Variants in NTRK2 observed in about 807,000 individuals in gnomAD.
The protein encoded by NTRK2 is neurotrophic receptor tyrosine kinase 2, also known as BDNF/NT-3 growth factors receptor.
In NTRK2, 13 loss-of-function variants were observed where a neutral mutation model predicts 94.5. The observed-to-expected ratio is 0.14, with a 90% CI of 0.09 to 0.22. The LOEUF (loss-of-function observed/expected upper bound fraction) is 0.22. Ranked by LOEUF, NTRK2 falls within the 10% of genes least tolerant of loss-of-function variation. The pLI is 1.00. For missense variants in NTRK2, 639 were observed against 1,071.2 expected, an observed-to-expected ratio of 0.60 and a Z score of 5.63; for synonymous variants, 372 against 407.4, an observed-to-expected ratio of 0.91 and a Z score of 1.05.
chr9:84,811,908 C>CCCGG, intron 12 of NTRK2: 1 of 1,050,078 alleles, frequency 9.5e-7, no homozygotes, highest in Non-Finnish European at 1.2e-6. Context: ...TGGCTATCCC[C>CCCGG]ACCCCACCCC....
intron 12 of NTRK2, among the ~76,000 whole-genome samples, chr9:84,778,942 A>T (rs1305402046): frequency 6.6e-6 from 1 of 152,156 alleles, no homozygotes; most frequent in East Asian, 1.9e-4. Flanking sequence ...AGCCCACCCC[A>T]GTGAGATGCC....
At chr9:84,888,337 T>G (rs2132272081) in intron 14 of NTRK2, among the ~76,000 whole-genome samples, 1 of 152,044 alleles carries the variant, frequency 6.6e-6, no homozygotes. Flanking sequence ...AACAGACTCA[T>G]AGCTCAGGCA....
At chr9:84,892,017 T>G (rs11140799) in intron 14 of NTRK2, among the ~76,000 whole-genome samples, 16,687 of 152,084 alleles carry the variant, frequency 0.11, 1,380 homozygotes, top group African/African-American at 0.22. Flanking sequence ...TAACCCAGTC[T>G]GATTTATTTC....
intron 9 of NTRK2, among the ~76,000 whole-genome samples, chr9:84,731,646 T>C (rs2062895691): frequency 6.6e-6 from 1 of 151,972 alleles, no homozygotes; most frequent in African/African-American, 2.4e-5. Context: ...TTACTTCCGC[T>C]TGGGATGCAG....
At chr9:84,706,260 G>A (rs2061053908) in intron 4 of NTRK2, among the ~76,000 whole-genome samples, 2 of 152,078 alleles carry the variant, frequency 1.3e-5, no homozygotes, top group African/African-American at 4.8e-5. Context: ...GTTTGGATGA[G>A]TGGAGATCTT....
In NTRK2 at chr9:84,830,990, T is replaced by C. The variant is rs144973219; in HGVS notation, c.1397-30050T>C. ...TATTACATGTACTGAACAGTATATT[T>C]ACAAGGATTTCTTCATGGAGTTAAC... On this transcript the variant is annotated intron_variant, in intron 12 of 18. Coordinates refer to ENST00000277120, the MANE Select transcript of NTRK2 (RefSeq NM_006180.6). 2.4e-3 allele frequency among the ~76,000 whole-genome samples: 363 copies of C among 152,378 alleles called. 2 individuals carry two copies. The highest frequency in any genetic ancestry group is 8.0e-3 in the African/African-American group (333 of 41,594).
intron 12 of NTRK2, among the ~76,000 whole-genome samples, chr9:84,799,953 T>G (rs1445480103): frequency 2.0e-5 from 3 of 152,208 alleles, no homozygotes; most frequent in African/African-American, 7.2e-5. Context: ...AGTAAAACAT[T>G]TACTTTCTCC....
chr9:84,795,014 C>T (rs1489410636), intron 12 of NTRK2, among the ~76,000 whole-genome samples: 1 of 152,118 alleles, frequency 6.6e-6, no homozygotes, highest in East Asian at 1.9e-4. Flanking sequence ...CCCTCCACCC[C>T]CCAAATTAAT....
chr9:84,775,811 T>G (rs1389464135), intron 12 of NTRK2, among the ~76,000 whole-genome samples: 1 of 152,182 alleles, frequency 6.6e-6, no homozygotes, highest in East Asian at 1.9e-4. Flanking sequence ...TTAGGAACTT[T>G]TTCAAAATAC....
At chr9:84,752,523 ATTCT>A (rs1235666003) in intron 12 of NTRK2, among the ~76,000 whole-genome samples, 2 of 152,194 alleles carry the variant, frequency 1.3e-5, no homozygotes, top group Non-Finnish European at 2.9e-5. Flanking sequence ...CCAGATCCTC[ATTCT>A]TTGAAATTTA....
In NTRK2 at chr9:84,978,152, C is replaced by T. The variant is rs117308199; in HGVS notation, c.2172+22635C>T. On this transcript the variant is annotated intron_variant, in intron 17 of 18. Coordinates refer to ENST00000277120, the MANE Select transcript of NTRK2 (RefSeq NM_006180.6). ...AAGTGAAAGGAGGAGTCACACATATCTCACTTTAAATCAAAAGCTAAAAAA... is the reference window on the plus strand; with the variant it reads ...AAGTGAAAGGAGGAGTCACACATATTTCACTTTAAATCAAAAGCTAAAAAA... 8.4e-3 allele frequency among the ~76,000 whole-genome samples: 1,276 copies of T among 152,308 alleles called. 14 individuals are homozygous for T. The highest frequency in any genetic ancestry group is 0.037 in the Admixed American group (569 of 15,290).
At chr9:84,875,485 T>C in intron 14 of NTRK2, 4 of 1,063,064 alleles carry the variant, frequency 3.8e-6, no homozygotes, top group Non-Finnish European at 4.6e-6. Flanking sequence ...TAACTCCAAA[T>C]GCAGTTTATT....
chr9:84,868,058 G>A (rs751152831), intron 14 of NTRK2, among the ~76,000 whole-genome samples: 8 of 152,144 alleles, frequency 5.3e-5, no homozygotes, highest in Non-Finnish European at 8.8e-5. Context: ...ATTTTTCTAA[G>A]GGCCTTTTGT....
chr9:84,756,960 C>T (rs74791175), intron 12 of NTRK2, among the ~76,000 whole-genome samples: 2,530 of 152,206 alleles, frequency 0.017, 80 homozygotes, highest in African/African-American at 0.057. Flanking sequence ...ATAAACATAG[C>T]GGGGCCAAAG....
chr9:84,837,501 C>A (rs916770801), intron 12 of NTRK2, among the ~76,000 whole-genome samples: 4 of 152,182 alleles, frequency 2.6e-5, no homozygotes, highest in African/African-American at 9.6e-5. Flanking sequence ...AAAGTGCTTA[C>A]AAACTGTGTT....
At position 84,873,888 on chromosome 9, in the gene NTRK2, G is replaced by T. The variant is rs573146561; in HGVS notation, c.1633+6457G>T. 4 of 1,061,638 alleles carry T rather than the reference G, an allele frequency of 3.8e-6. No individual in the cohort carries two copies. In the East Asian group the frequency reaches 2.0e-4, roughly 54 times the overall value. The allele number at this position is 1,061,638 out of a possible 1,614,324, so 65.8% of individuals were successfully genotyped here. On this transcript the variant is annotated intron_variant, in intron 14 of 18. Coordinates refer to ENST00000277120, the MANE Select transcript of NTRK2 (RefSeq NM_006180.6). ...AAGAAAAACAAAAATAAAGATTATG[G>T]ATTTAGGTCAGGGAGACAGAGTGAT... is the stretch of plus-strand genomic sequence containing the variant.
chr9:85,017,756 C>G (rs1045180101), intron 17 of NTRK2, among the ~76,000 whole-genome samples: 1 of 152,124 alleles, frequency 6.6e-6, no homozygotes, highest in African/African-American at 2.4e-5. Context: ...AACAAGAAGA[C>G]CAGGTCCCAG....
chr9:84,783,950 G>T (rs116749809), intron 12 of NTRK2, among the ~76,000 whole-genome samples: 1 of 152,116 alleles, frequency 6.6e-6, no homozygotes, highest in African/African-American at 2.4e-5. Context: ...GGAGATGGAG[G>T]TTGGAAGACT....
chr9:84,676,950 A>G (rs1415272777), intron 2 of NTRK2, among the ~76,000 whole-genome samples: 2 of 84,724 alleles, frequency 2.4e-5, no homozygotes, highest in Non-Finnish European at 5.3e-5. Context: ...TGTTTAGCTT[A>G]CTGTGTGTGA....
Sources: allele counts gnomAD v4.1 joint callset (sites outside exome capture counted in the v4.1 genomes callset), GRCh38; gene constraint gnomAD v4.1.1; transcripts MANE v1.5; gene names NCBI Gene and HGNC (gene_info 2026-07-23, HGNC 2026-07-21).